Variants in LDB3 observed in about 807,000 individuals in gnomAD.
The protein encoded by LDB3 is LIM domain-binding protein 3.
A neutral mutation model predicts 69.0 loss-of-function variants in LDB3; 49 were observed. The ratio of observed to expected loss-of-function variants is 0.71; its 90% CI spans 0.56 to 0.90. The LOEUF is 0.90. Ranked by LOEUF, LDB3 falls within the 40% of genes least tolerant of loss-of-function variation. The pLI is 0.00. For synonymous variants in LDB3, 387 were observed against 396.2 expected (o/e 0.98, Z 0.28); for missense variants, 928 against 974.1 (o/e 0.95, Z 0.63).
At chr10:86,681,228 T>C in intron 4 of LDB3, among the ~76,000 whole-genome samples, 1 of 152,262 alleles carries the variant, frequency 6.6e-6, no homozygotes, top group East Asian at 1.9e-4. Context: ...CCCAGCTGGA[T>C]GCCAGCCTCA....
At chr10:86,704,126 A>AG (rs1022634825) in intron 7 of LDB3, among the ~76,000 whole-genome samples, 8 of 148,744 alleles carry the variant, frequency 5.4e-5, no homozygotes, top group Admixed American at 3.3e-4. Context: ...TTTAAAAAAG[A>AG]GAAAAAAAAA....
chr10:86,728,586 G>GTTTTT (rs201899694), intron 13 of LDB3, among the ~76,000 whole-genome samples: 2 of 131,456 alleles, frequency 1.5e-5, no homozygotes, highest in Non-Finnish European at 3.2e-5. Context: ...TGGTTCTTTT[G>GTTTTT]TTTTTTTTTT....
intron 13 of LDB3, among the ~76,000 whole-genome samples, chr10:86,729,660 C>T (rs962550649): frequency 1.3e-5 from 2 of 152,104 alleles, no homozygotes; most frequent in African/African-American, 4.8e-5. Flanking sequence ...GGCAGAAGGC[C>T]TCCTCCACTA....
At chr10:86,695,399 C>T (rs572118578) in intron 7 of LDB3, among the ~76,000 whole-genome samples, 23 of 152,318 alleles carry the variant, frequency 1.5e-4, no homozygotes, top group Admixed American at 9.8e-4. Flanking sequence ...TCTGGTAGCA[C>T]GTAGCTTCCA....
intron 5 of LDB3, among the ~76,000 whole-genome samples, chr10:86,685,342 T>C (rs906763832): frequency 1.3e-5 from 2 of 152,096 alleles, no homozygotes; most frequent in Admixed American, 6.5e-5. Context: ...CACTCTGGGG[T>C]CTATAGCCAG....
intron 13 of LDB3, among the ~76,000 whole-genome samples, chr10:86,729,376 A>C (rs753540560): frequency 3.3e-5 from 5 of 152,166 alleles, no homozygotes; most frequent in Non-Finnish European, 7.4e-5. Flanking sequence ...AAAGGGTCCG[A>C]CCTTAGTGGA....
Position 86,699,149 on chromosome 10 carries a change from G to A in LDB3, c.896+6578G>A. ...CCGTTCCCTCCCTCCCATGCCCTCT[G>A]CCCCACCTGTTAGACAGGGGAATGG... On this transcript the variant is annotated intron_variant, in intron 7 of 13. Coordinates refer to ENST00000361373, the MANE Select transcript of LDB3 (RefSeq NM_007078.3). This position sits in a 1 kb window ranked among gnomAD's most constrained non-coding sequence, Gnocchi z 4.9. The A allele has an allele frequency of 8.9e-7, 1 of 1,122,712 alleles. No individual in the cohort carries two copies. Among genetic ancestry groups the A allele is most frequent in the Non-Finnish European group, 1.3e-6 (1 of 748,658 alleles). The allele number at this position is 1,122,712 out of a possible 1,614,324, so 69.5% of individuals were successfully genotyped here.
Position 86,718,145 on chromosome 10 carries a change from G to A in LDB3, c.1857+1G>A. ...CAAGTGCAACACCAAAATTATGGGG[G>A]TAAGTGGGAGGCCTCCATTTCCTCT... On this transcript the variant is annotated splice_donor_variant, in intron 11 of 13. Transcript: ENST00000361373. LOFTEE classifies it high-confidence loss of function. The A allele has an allele frequency of 6.2e-7, 1 of 1,613,854 alleles. No individual in the cohort carries two copies. The highest frequency in any genetic ancestry group is 8.5e-7 in the Non-Finnish European group (1 of 1,179,756).
intron 5 of LDB3, among the ~76,000 whole-genome samples, chr10:86,685,919 T>G (rs1845443465): frequency 6.6e-6 from 1 of 152,022 alleles, no homozygotes; most frequent in South Asian, 2.1e-4. Flanking sequence ...TGGTTCTAAT[T>G]TCATTCCCAA....
Position 86,681,477 on chromosome 10 carries a change from C to A in LDB3, c.363C>A (p.Ser121Arg). The change falls in exon 5 of 14, where the codon AGC becomes AGA. Residue 121 changes from serine (S) to arginine (R), a missense_variant. Transcript: ENST00000361373. ...CGAACGGCAGCCTGGTGGCACCCAG[C>A]CCCAGCCCTGAGGCGAGGGCCAGCC... ...LDTNGSLVAP[S>R]PSPEARASPG... 1 of 1,607,728 alleles carries A rather than the reference C, an allele frequency of 6.2e-7. No homozygotes were observed. Among genetic ancestry groups the A allele is most frequent in the Middle Eastern group, 1.7e-4 (1 of 5,984 alleles).
intron 5 of LDB3, among the ~76,000 whole-genome samples, chr10:86,682,581 A>C (rs1368770642): frequency 6.6e-6 from 1 of 151,880 alleles, no homozygotes; most frequent in Non-Finnish European, 1.5e-5. Flanking sequence ...TTGTTCTCTC[A>C]CCCTAACTTC....
At chr10:86,687,045 C>T (rs780678582) in intron 5 of LDB3, 7 of 1,611,146 alleles carry the variant, frequency 4.3e-6, no homozygotes, top group Middle Eastern at 1.7e-4. Context: ...TCTCCCTGCC[C>T]GTACTCCCGC....
intron 5 of LDB3, among the ~76,000 whole-genome samples, chr10:86,691,297 C>T (rs559657201): frequency 2.4e-4 from 36 of 152,318 alleles, no homozygotes; most frequent in African/African-American, 7.0e-4. Context: ...TCCCAACTTC[C>T]CCAGGCCAGA....
chr10:86,682,941 A>ACC (rs112669026), intron 5 of LDB3, among the ~76,000 whole-genome samples: 4,836 of 149,500 alleles, frequency 0.032, 87 homozygotes, highest in Middle Eastern at 0.062. Context: ...CAGCTTCCCC[A>ACC]CCCCCCCAGC....
upstream of LDB3, among the ~76,000 whole-genome samples, chr10:86,667,711 C>A (rs576132090): frequency 7.2e-5 from 11 of 152,250 alleles, no homozygotes; most frequent in Non-Finnish European, 1.3e-4. Flanking sequence ...GACAGGAGAG[C>A]CAGGAATAAC....
At chr10:86,692,970 G>A (rs1222838923) in intron 7 of LDB3, among the ~76,000 whole-genome samples, 1 of 152,234 alleles carries the variant, frequency 6.6e-6, no homozygotes, top group African/African-American at 2.4e-5. Flanking sequence ...TGGGCACTGA[G>A]AAACAGGCAC....
chr10:86,679,660 G>A (rs550402780), intron 3 of LDB3, 142 bp downstream of exon 3: 2 of 974,438 alleles, frequency 2.1e-6, no homozygotes, highest in African/African-American at 3.2e-5. Flanking sequence ...GACAGCCCTG[G>A]GCCAGAGGAA....
Position 86,716,752 on chromosome 10 carries a change from C to G in LDB3, c.1657C>G (p.His553Asp). ...PASSRTPLCG[H>D]CNNVIRGPFL... ...CAGCAGCCGGACTCCACTCTGCGGT[C>G]ACTGCAACAATGTCATCCGGTATGG... The change falls in exon 10 of 14, where the codon CAC becomes GAC. Residue 553 changes from histidine (H) to aspartate (D), a missense_variant. Physicochemically the swap from His to Asp is moderately conservative, Grantham distance 81. Coordinates refer to ENST00000361373, the MANE Select transcript of LDB3 (RefSeq NM_007078.3). 1 of 1,611,360 alleles carries G rather than the reference C, an allele frequency of 6.2e-7. No individual in the cohort carries two copies. Among genetic ancestry groups the G allele is most frequent in the Non-Finnish European group, 8.5e-7 (1 of 1,179,100 alleles).
intron 2 of LDB3, among the ~76,000 whole-genome samples, chr10:86,678,438 C>T (rs910199583): frequency 4.6e-5 from 7 of 151,170 alleles, no homozygotes; most frequent in Non-Finnish European, 8.8e-5. Context: ...CTCCTGGGTT[C>T]AAGCAATTCT....
Sources: gnomAD v4.1 joint callset for allele counts (sites outside exome capture counted in the v4.1 genomes callset) on GRCh38, gnomAD v4.1.1 for gene constraint, Gnocchi (gnomAD v3.1) non-coding constraint, MANE v1.5 for transcripts, NCBI Gene and HGNC (gene_info 2026-07-23, HGNC 2026-07-21) for gene names.